The following ZDHHC17 variants were observed in gnomAD, a reference collection of about 807,000 sequenced individuals.
ZDHHC17 encodes zDHHC palmitoyltransferase 17.
Under a neutral mutation model 90.3 loss-of-function variants are expected in ZDHHC17, and 40 were observed. The ratio of observed to expected loss-of-function variants is 0.44; its 90% confidence interval spans 0.34 to 0.58. The LOEUF is 0.58. Ranked by LOEUF, ZDHHC17 falls within the 20% of genes least tolerant of loss-of-function variation. The pLI, the probability that ZDHHC17 is intolerant of heterozygous loss-of-function variation, is 0.01. For synonymous variants in ZDHHC17, 235 were observed against 252.4 expected, an observed-to-expected ratio of 0.93 and a Z score of 0.65; for missense variants, 614 against 780.8, an observed-to-expected ratio of 0.79 and a Z score of 2.55.
At position 76,848,383 on chromosome 12, in the gene ZDHHC17, T is replaced by C. The variant is rs367695423; in HGVS notation, c.1658T>C (p.Met553Thr). The change falls in exon 15 of 17, where the codon ATG (methionine) becomes ACG (threonine). Residue 553 changes from methionine (M) to threonine (T), a missense_variant. By Grantham distance (81) the Met-to-Thr change is moderately conservative. Coordinates refer to ENST00000426126, the MANE Select transcript of ZDHHC17 (RefSeq NM_015336.4). ...GTGGCTGTATTACTCATGTGTCAGA[T>C]GTACCAGGTATGTGCAAAGGCATTC... ...MWVAVLLMCQ[M>T]YQISCLGITT... is the part of the protein sequence containing the mutation. 52 of 1,613,832 alleles carry C rather than the reference T, an allele frequency of 3.2e-5. No homozygotes were observed. The African/African-American group carries it at 6.7e-4, about 21-fold the overall frequency.
chr12:76,775,814 A>G (rs899269335), intron 1 of ZDHHC17, among the ~76,000 whole-genome samples: 2 of 152,106 alleles, frequency 1.3e-5, no homozygotes. Flanking sequence ...ACTATTGTTA[A>G]TCTTGTTTTT....
At chr12:76,821,115 C>CA in intron 7 of ZDHHC17, 1 of 1,288,058 alleles carries the variant, frequency 7.8e-7, no homozygotes, top group Non-Finnish European at 1.0e-6. Flanking sequence ...TGGACCGAGG[C>CA]AACTGCAGGA....
chr12:76,776,293 T>C (rs117975125), intron 1 of ZDHHC17, among the ~76,000 whole-genome samples: 1,675 of 152,296 alleles, frequency 0.011, 10 homozygotes, highest in Non-Finnish European at 0.017. Context: ...TTAGCCTTAA[T>C]GGTGACACAT....
At position 76,851,179 on chromosome 12, in the gene ZDHHC17, G is replaced by T. The variant is rs1343802733; in HGVS notation, c.*194G>T. On this transcript the variant is annotated 3_prime_UTR_variant, in exon 17 of 17. Coordinates refer to ENST00000426126, the MANE Select transcript of ZDHHC17 (RefSeq NM_015336.4). ...ATGGACAGAACACACTGCCATTTCT[G>T]GGAAGAGTAAAGATGATAAAAAATA... 5.2e-6 allele frequency: 3 copies of T among 577,806 alleles called. No homozygotes were observed. Among genetic ancestry groups the T allele is most frequent in the African/African-American group, 3.9e-5 (2 of 50,796 alleles). The allele number at this position is 577,806 out of a possible 1,614,324, so 35.8% of individuals were successfully genotyped here.
chr12:76,843,786 G>C (rs1280111343), intron 12 of ZDHHC17: 1 of 152,038 alleles, frequency 6.6e-6, no homozygotes, highest in East Asian at 1.9e-4. Context: ...CTGCAAGTGA[G>C]CTCATGTCTT....
At chr12:76,796,672 A>G (rs2137744759) in intron 1 of ZDHHC17, among the ~76,000 whole-genome samples, 1 of 152,326 alleles carries the variant, frequency 6.6e-6, no homozygotes, top group East Asian at 1.9e-4. Context: ...ATATCTGAGA[A>G]TAATAGAAAA....
At chr12:76,839,761 T>G (rs1250009158) in intron 10 of ZDHHC17, among the ~76,000 whole-genome samples, 4 of 152,200 alleles carry the variant, frequency 2.6e-5, no homozygotes, top group African/African-American at 9.7e-5. Flanking sequence ...TTGGCAGCGT[T>G]TTTTCATTAC....
rs920470813 is a variant in ZDHHC17, at chr12:76,842,783, G to T, written c.1267-136G>T. On this transcript the variant is annotated intron_variant, in intron 11 of 16. Coordinates refer to ENST00000426126, the MANE Select transcript of ZDHHC17 (RefSeq NM_015336.4). ...TGCAATGAAATAGCAGTAAATAAAA[G>T]ATTTTATTTCTCTTTTTGAACTCAA... The T allele has an allele frequency of 1.2e-4, 75 of 624,014 alleles. No homozygotes were observed. The African/African-American group carries it at 1.3e-3, about 11-fold the overall frequency. 38.7% of individuals were successfully genotyped at this position (624,014 alleles called of 1,614,324 possible).
intron 8 of ZDHHC17, among the ~76,000 whole-genome samples, chr12:76,825,436 T>TA (rs1228516290): frequency 6.6e-6 from 1 of 152,190 alleles, no homozygotes; most frequent in African/African-American, 2.4e-5. Context: ...ACATTACCAT[T>TA]ATATTTTTAT....
intron 10 of ZDHHC17, among the ~76,000 whole-genome samples, chr12:76,828,825 A>C (rs1489386612): frequency 6.6e-6 from 1 of 151,884 alleles, no homozygotes; most frequent in Non-Finnish European, 1.5e-5. Flanking sequence ...ATTTTTATAG[A>C]TTCAGGGGTT....
rs1235041698 is a variant in ZDHHC17, at chr12:76,809,853, G to C, written c.539G>C (p.Gly180Ala). 2.5e-6 allele frequency: 4 copies of C among 1,609,544 alleles called. No individual in the cohort carries two copies. The South Asian group carries it at 3.3e-5, about 13-fold the overall frequency. The change falls in exon 5 of 17, where the codon GGA becomes GCA. Residue 180 changes from glycine (G) to alanine (A), a missense_variant. Coordinates refer to ENST00000426126, the MANE Select transcript of ZDHHC17 (RefSeq NM_015336.4). ...ATTGTTGCTTATCTCATAGCAAAAG[G>C]ACAGGTAAAAAAAATCTCAGTGGTA... Reference protein sequence around the residue: ...TSIVAYLIAKGQDVDMMDQNG... With the variant: ...TSIVAYLIAKAQDVDMMDQNG...
chr12:76,828,199 C>G (rs1953252615), intron 9 of ZDHHC17, among the ~76,000 whole-genome samples, 191 bp from the exon 10 acceptor site: 1 of 152,102 alleles, frequency 6.6e-6, no homozygotes, highest in African/African-American at 2.4e-5. Flanking sequence ...AAAGGAACTT[C>G]AGAATCTTGC....
At chr12:76,809,199 C>G in intron 4 of ZDHHC17, 79 bp downstream of exon 4, 1 of 977,304 alleles carries the variant, frequency 1.0e-6, no homozygotes, top group Non-Finnish European at 1.4e-6. Context: ...AAATGATATA[C>G]TAAAATGAAT....
chr12:76,837,512 C>A (rs2137797994), intron 10 of ZDHHC17, among the ~76,000 whole-genome samples: 1 of 152,126 alleles, frequency 6.6e-6, no homozygotes, highest in Admixed American at 6.5e-5. Context: ...AAACTCTTTA[C>A]TTAAGAACAC....
intron 10 of ZDHHC17, among the ~76,000 whole-genome samples, chr12:76,836,422 C>G (rs951743175): frequency 1.3e-5 from 2 of 151,806 alleles, no homozygotes; most frequent in African/African-American, 4.8e-5. Flanking sequence ...TTAAACTCAG[C>G]TGCTGTGCCC....
intron 16 of ZDHHC17, among the ~76,000 whole-genome samples, 200 bp from the exon 17 acceptor site, chr12:76,850,647 G>GA (rs1173831029): frequency 2.0e-5 from 3 of 152,070 alleles, no homozygotes; most frequent in Non-Finnish European, 4.4e-5. Context: ...ATTGGCAAAA[G>GA]AAAAAATCAT....
At chr12:76,782,637 A>C (rs983836177) in intron 1 of ZDHHC17, among the ~76,000 whole-genome samples, 2 of 152,154 alleles carry the variant, frequency 1.3e-5, no homozygotes, top group Non-Finnish European at 2.9e-5. Flanking sequence ...AAGAGTTTTA[A>C]GAATTGTGCT....
At position 76,848,362 on chromosome 12, in the gene ZDHHC17, C is replaced by T. The variant is rs751487662; in HGVS notation, c.1637C>T (p.Ala546Val). Residue 546 changes from alanine (A) to valine (V), a missense_variant, in exon 15 of 17, where the codon GCT (alanine) becomes GTT (valine). Ala to Val is a moderately conservative substitution (Grantham distance 64). This residue lies in a region of ZDHHC17 where 111 missense variants were observed against 179.8 expected (regional missense o/e 0.62). Transcript: ENST00000426126. ...AGTGTTTTCCACTTCATGTGGGTGGCTGTATTACTCATGTGTCAGATGTAC... is the reference window on the plus strand; with the variant it reads ...AGTGTTTTCCACTTCATGTGGGTGGTTGTATTACTCATGTGTCAGATGTAC... The part of the protein sequence containing the change: ...LNSVFHFMWV[A>V]VLLMCQMYQI... 2.5e-6 allele frequency: 4 copies of T among 1,613,852 alleles called. No individual in the cohort carries two copies. Among genetic ancestry groups the T allele is most frequent in the Non-Finnish European group, 3.4e-6 (4 of 1,179,820 alleles).
At position 76,797,480 on chromosome 12, in the gene ZDHHC17, T is replaced by C. The variant is rs1034270257; in HGVS notation, c.140T>C (p.Leu47Pro). The C allele has an allele frequency of 6.2e-7, 1 of 1,611,450 alleles. No individual in the cohort carries two copies. The highest frequency in any genetic ancestry group is 8.5e-7 in the Non-Finnish European group (1 of 1,178,680). The change falls in exon 2 of 17, where the codon CTT becomes CCT. Residue 47 changes from leucine (L) to proline (P), a missense_variant. By Grantham distance (98) the Leu-to-Pro change is moderately conservative. This residue lies in a region of ZDHHC17 where 358 missense variants were observed against 380.4 expected (regional missense o/e 0.94). Coordinates refer to ENST00000426126, the MANE Select transcript of ZDHHC17 (RefSeq NM_015336.4). The stretch of plus-strand genomic sequence containing the variant: ...TATAACCATGGATATGGTGAACCTC[T>C]TGGACGGAAAACTCATATTGATGAT... Reference protein sequence around the residue: ...SHYNHGYGEPLGRKTHIDDYS... With the variant: ...SHYNHGYGEPPGRKTHIDDYS...
Sources: gnomAD v4.1 joint callset for allele counts (sites outside exome capture counted in the v4.1 genomes callset) on GRCh38, gnomAD v4.1.1 for gene constraint, gnomAD v4.1.1 regional missense constraint, MANE v1.5 for transcripts, NCBI Gene and HGNC (gene_info 2026-07-23, HGNC 2026-07-21) for gene names.